The following ANO1 variants were observed in gnomAD, a reference collection of about 807,000 sequenced individuals.
The protein encoded by ANO1 is anoctamin-1.
ANO1 carries 59 observed loss-of-function variants against 124.0 expected under a neutral mutation model. The ratio of observed to expected loss-of-function variants is 0.48; its 90% CI spans 0.39 to 0.59. The LOEUF is 0.59. ANO1 is among the 20% of genes least tolerant of loss of function. The pLI, the probability that ANO1 is intolerant of heterozygous loss-of-function variation, is 0.00. For synonymous variants in ANO1, 529 were observed against 532.0 expected, an observed-to-expected ratio of 0.99 and a Z score of 0.08; for missense variants, 1,059 against 1,328.0, an observed-to-expected ratio of 0.80 and a Z score of 3.15.
At chr11:70,019,311 T>C (rs1555002372) in intron 1 of ANO1, among the ~76,000 whole-genome samples, 1 of 136,954 alleles carries the variant, frequency 7.3e-6, no homozygotes, top group Non-Finnish European at 1.5e-5. Flanking sequence ...ACACATGCCA[T>C]GCACATGCAC....
At chr11:70,030,161 A>G (rs2135026862) in intron 1 of ANO1, among the ~76,000 whole-genome samples, 1 of 152,338 alleles carries the variant, frequency 6.6e-6, no homozygotes. Context: ...CTCAGTCTCC[A>G]AAAACACTTG....
In ANO1 at chr11:70,011,192, C is replaced by T. The variant is rs180675959; in HGVS notation, c.58+25026C>T. On this transcript the variant is annotated intron_variant, in intron 1 of 27. Transcript: ENST00000531349. The stretch of plus-strand genomic sequence containing the variant: ...AAGGGTGTCGAGGCAGAGGGAACAG[C>T]GTGTGCAATGGCCTGGGGTCGGGGA... Among the ~76,000 whole-genome samples, 39 of 152,140 alleles carry T rather than the reference C, an allele frequency of 2.6e-4. 2 individuals carry two copies. In the East Asian group the frequency reaches 5.2e-3, roughly 20 times the overall value.
intron 1 of ANO1, among the ~76,000 whole-genome samples, chr11:70,021,461 TTTG>T (rs559347283): frequency 2.0e-4 from 28 of 143,364 alleles, no homozygotes; most frequent in African/African-American, 6.5e-4. Context: ...GAGAGTGCTT[TTTG>T]TTGTTGTTGT....
At chr11:70,131,795 A>G (rs1407453411) in intron 10 of ANO1, 124 bp from the exon 11 acceptor site, 1 of 1,159,844 alleles carries the variant, frequency 8.6e-7, no homozygotes, top group African/African-American at 1.5e-5. Context: ...TATGGCATGG[A>G]CCTGAGGGAC....
chr11:69,983,314 A>C (rs1426136143), upstream of ANO1, among the ~76,000 whole-genome samples: 1 of 152,068 alleles, frequency 6.6e-6, no homozygotes, highest in African/African-American at 2.4e-5. Context: ...CCTCACCAAG[A>C]GCTGCCTTCT....
intron 1 of ANO1, among the ~76,000 whole-genome samples, chr11:70,000,092 C>T (rs1018444789): frequency 6.6e-6 from 1 of 152,154 alleles, no homozygotes; most frequent in Non-Finnish European, 1.5e-5. Flanking sequence ...CATAAGAAAA[C>T]CTTTGTAACT....
chr11:70,153,488 T>G (rs1016903104), intron 14 of ANO1, among the ~76,000 whole-genome samples: 1 of 152,222 alleles, frequency 6.6e-6, no homozygotes, highest in Non-Finnish European at 1.5e-5. Flanking sequence ...GCTTTGAAGC[T>G]TCAAAGCTTT....
At chr11:70,149,644 C>G in intron 11 of ANO1, 66 bp from the exon 12 acceptor site, 6 of 1,462,678 alleles carry the variant, frequency 4.1e-6, no homozygotes, top group Non-Finnish European at 5.6e-6. Context: ...GAGCAAAACT[C>G]TGTCTAAAAA....
At chr11:69,969,138 G>A in the ANO1 span, among the ~76,000 whole-genome samples, 3 of 152,174 alleles carry the variant, frequency 2.0e-5, no homozygotes, top group African/African-American at 2.4e-5. Flanking sequence ...AGACAGCCAC[G>A]GGACTGCAAG....
intron 1 of ANO1, among the ~76,000 whole-genome samples, chr11:70,061,814 A>G (rs1377191067): frequency 2.0e-5 from 3 of 152,174 alleles, no homozygotes; most frequent in Non-Finnish European, 4.4e-5. Context: ...CTAGAGCTTC[A>G]GACCGACAAC....
At chr11:70,149,813 G>A in intron 12 of ANO1, 21 bp downstream of exon 12, 1 of 1,611,012 alleles carries the variant, frequency 6.2e-7, no homozygotes. Flanking sequence ...TTGCCGCCGT[G>A]CATATCACGC....
At chr11:70,058,842 A>C (rs897167150) in intron 1 of ANO1, among the ~76,000 whole-genome samples, 26 of 152,262 alleles carry the variant, frequency 1.7e-4, no homozygotes, top group African/African-American at 5.5e-4. Context: ...GGTTCCACTG[A>C]ATACCGAGAG....
At chr11:69,998,489 T>C (rs2120347302) in intron 1 of ANO1, among the ~76,000 whole-genome samples, 1 of 152,360 alleles carries the variant, frequency 6.6e-6, no homozygotes, top group East Asian at 1.9e-4. Context: ...GGCGTCCTCA[T>C]GGGGTATCCA....
chr11:69,971,343 C>T, the ANO1 span, among the ~76,000 whole-genome samples: 3 of 152,182 alleles, frequency 2.0e-5, no homozygotes, highest in South Asian at 2.1e-4. Context: ...TGAAGCTCTG[C>T]TAGGACAGAG....
intron 11 of ANO1, among the ~76,000 whole-genome samples, chr11:70,134,395 A>G (rs1476729723): frequency 6.6e-6 from 1 of 152,130 alleles, no homozygotes; most frequent in African/African-American, 2.4e-5. Context: ...GTACATTTCT[A>G]TAGCGCCCCC....
chr11:70,014,753 C>T (rs1460776956), intron 1 of ANO1: 11 of 152,092 alleles, frequency 7.2e-5, no homozygotes, highest in African/African-American at 2.7e-4. Context: ...CCAGCTGATG[C>T]TCCCACAGCC....
upstream of ANO1, among the ~76,000 whole-genome samples, chr11:69,981,611 T>C (rs1355588344): frequency 6.6e-6 from 1 of 152,160 alleles, no homozygotes; most frequent in African/African-American, 2.4e-5. Flanking sequence ...TGGGAGCCCC[T>C]GGTATCAGTG....
chr11:69,986,763 T>C (rs72931778), intron 1 of ANO1, among the ~76,000 whole-genome samples: 22,057 of 152,090 alleles, frequency 0.15, 1,685 homozygotes, highest in African/African-American at 0.17. Flanking sequence ...CAGGATATTT[T>C]TGTACCAATA....
upstream of ANO1, among the ~76,000 whole-genome samples, chr11:69,983,399 G>T (rs993487304): frequency 1.3e-5 from 2 of 152,200 alleles, no homozygotes; most frequent in African/African-American, 2.4e-5. Context: ...TGTGATTACT[G>T]TATTCCGTAA....
Sources: gnomAD v4.1 joint callset for allele counts (sites outside exome capture counted in the v4.1 genomes callset) on GRCh38, gnomAD v4.1.1 for gene constraint, MANE v1.5 for transcripts, NCBI Gene and HGNC (gene_info 2026-07-23, HGNC 2026-07-21) for gene names.